Variants in CAMTA1 observed in about 807,000 individuals in gnomAD.
CAMTA1 encodes calmodulin binding transcription activator 1.
CAMTA1 carries 27 observed loss-of-function variants against 170.9 expected under a neutral mutation model. The observed-to-expected ratio is 0.16, with a 90% CI of 0.12 to 0.22. The LOEUF (loss-of-function observed/expected upper bound fraction) is 0.22, where lower values mean the gene tolerates loss of function less well. CAMTA1 is among the 10% of genes least tolerant of loss of function. The probability of loss-of-function intolerance (pLI) is 1.00; values close to 1 mark genes in which losing one functional copy is unlikely to be tolerated. For missense variants in CAMTA1, 1,619 were observed against 2,217.2 expected, an observed-to-expected ratio of 0.73 and a Z score of 5.42; for synonymous variants, 833 against 891.5, an observed-to-expected ratio of 0.93 and a Z score of 1.17.
chr1:7,531,278 C>T (rs2094490023), intron 6 of CAMTA1, among the ~76,000 whole-genome samples: 1 of 152,140 alleles, frequency 6.6e-6, no homozygotes, highest in Non-Finnish European at 1.5e-5. Context: ...CACTGTGCCT[C>T]CACCGAAGTC....
At chr1:7,602,884 T>C (rs1334085327) in intron 6 of CAMTA1, among the ~76,000 whole-genome samples, 2 of 152,256 alleles carry the variant, frequency 1.3e-5, no homozygotes, top group Non-Finnish European at 2.9e-5. Context: ...TCAAAGAGCA[T>C]CTTTATTTCT....
In CAMTA1 at chr1:7,063,438, T is replaced by C. The variant is rs1229114028; in HGVS notation, c.235-27866T>C. Among the ~76,000 whole-genome samples the C allele has an allele frequency of 6.6e-6, 1 of 152,200 alleles. No individual in the cohort carries two copies. Among genetic ancestry groups the C allele is most frequent in the Non-Finnish European group, 1.5e-5 (1 of 68,032 alleles). ...CTTAGCAGGGCATCTCTGGAGAGAATGTTCCACGGAGCACACCTCGGGAAA... is the reference window on the plus strand; with the variant it reads ...CTTAGCAGGGCATCTCTGGAGAGAACGTTCCACGGAGCACACCTCGGGAAA... On this transcript the variant is annotated intron_variant, in intron 3 of 22. Coordinates refer to ENST00000303635, the MANE Select transcript of CAMTA1 (RefSeq NM_015215.4). The surrounding 1 kb of genome is among the most constrained non-coding windows in gnomAD (Gnocchi z 4.3).
intron 6 of CAMTA1, among the ~76,000 whole-genome samples, chr1:7,625,432 T>C (rs1402490587): frequency 6.6e-6 from 1 of 152,136 alleles, no homozygotes; most frequent in East Asian, 1.9e-4. Flanking sequence ...GCTGACAGGG[T>C]CTTGGCCTCT....
rs1244627958 is a variant in CAMTA1 at position 7,768,902 on chromosome 1, A to G, written c.*2411A>G. On this transcript the variant is annotated 3_prime_UTR_variant, in exon 23 of 23. Coordinates refer to ENST00000303635, the MANE Select transcript of CAMTA1 (RefSeq NM_015215.4). ...AGCCAGCTCTTTCAGAATATCCTCT[A>G]TTAATACTGAATTTAGATATCTTTA... 1 of 152,376 alleles carries G rather than the reference A, an allele frequency of 6.6e-6. No individual in the cohort carries two copies. Among genetic ancestry groups the G allele is most frequent in the Non-Finnish European group, 1.5e-5 (1 of 68,032 alleles). The allele number at this position is 152,376 out of a possible 1,614,324, so 9.4% of individuals were successfully genotyped here.
chr1:7,148,425 TCC>T (rs57480682), intron 4 of CAMTA1, among the ~76,000 whole-genome samples: 1 of 147,612 alleles, frequency 6.8e-6, no homozygotes, highest in South Asian at 2.2e-4. Flanking sequence ...ATCCACCCCC[TCC>T]CCCCCCGCCA....
chr1:6,929,713 G>A (rs1684037979), intron 3 of CAMTA1, among the ~76,000 whole-genome samples: 1 of 152,200 alleles, frequency 6.6e-6, no homozygotes, highest in Non-Finnish European at 1.5e-5. Context: ...TGGCCAGGCT[G>A]GTCTTGAACT....
At chr1:7,419,248 T>C (rs566374877) in intron 5 of CAMTA1, among the ~76,000 whole-genome samples, 92 of 152,264 alleles carry the variant, frequency 6.0e-4, no homozygotes, top group African/African-American at 2.1e-3. Flanking sequence ...CTCCACCTCC[T>C]GGGTTTAAAT....
chr1:7,047,147 T>C (rs1310828063), intron 3 of CAMTA1, among the ~76,000 whole-genome samples: 4 of 152,218 alleles, frequency 2.6e-5, no homozygotes, highest in Non-Finnish European at 5.9e-5. Flanking sequence ...CCTGAGTGAC[T>C]ACATGGAGTG....
intron 6 of CAMTA1, among the ~76,000 whole-genome samples, chr1:7,496,288 G>A (rs1291894483): frequency 2.6e-5 from 4 of 152,334 alleles, no homozygotes; most frequent in Non-Finnish European, 5.9e-5. Context: ...TCTGTAAGAT[G>A]GCTCTATGTG....
At chr1:7,569,046 A>G (rs758488784) in intron 6 of CAMTA1, among the ~76,000 whole-genome samples, 8 of 148,268 alleles carry the variant, frequency 5.4e-5, no homozygotes, top group African/African-American at 7.5e-5. Flanking sequence ...CATCACCACC[A>G]TCATTCTCCA....
rs369925041 is a variant in CAMTA1 at position 7,017,592 on chromosome 1, TGAG to T, written c.235-73708_235-73706del. On this transcript the variant is annotated intron_variant, in intron 3 of 22. Coordinates refer to ENST00000303635, the MANE Select transcript of CAMTA1 (RefSeq NM_015215.4). ...GTCTGATGTCTTTCTAGTCTTTAAA[TGAG>T]GAGTGGAGAGGTAAGGAAGAGGTGC... 1.1e-3 allele frequency among the ~76,000 whole-genome samples: 174 copies of T among 152,356 alleles called. 3 individuals carry two copies. The East Asian group carries it at 0.021, about 19-fold the overall frequency.
At chr1:7,453,635 A>T (rs2092882460) in intron 5 of CAMTA1, among the ~76,000 whole-genome samples, 1 of 152,250 alleles carries the variant, frequency 6.6e-6, no homozygotes, top group Non-Finnish European at 1.5e-5. Context: ...ACATGTGGGC[A>T]GATGGCACAA....
intron 11 of CAMTA1, among the ~76,000 whole-genome samples, chr1:7,683,759 C>A (rs1172137215): frequency 6.6e-6 from 1 of 152,236 alleles, no homozygotes; most frequent in Admixed American, 6.5e-5. Context: ...GGGCCCTCCT[C>A]GTAACCCGTC....
chr1:7,702,349 A>AAAC (rs201878688), intron 11 of CAMTA1, among the ~76,000 whole-genome samples: 7 of 152,176 alleles, frequency 4.6e-5, no homozygotes, highest in East Asian at 1.9e-4. Flanking sequence ...ACAAACAAAC[A>AAAC]AACAACAACA....
chr1:6,897,528 G>A (rs866509563), intron 3 of CAMTA1, among the ~76,000 whole-genome samples: 34 of 93,076 alleles, frequency 3.7e-4, no homozygotes, highest in African/African-American at 1.3e-3. Flanking sequence ...TTGGCTGATT[G>A]CTTTTGAAGT....
chr1:7,738,087 A>G lies in CAMTA1; in HGVS notation c.3787A>G (p.Thr1263Ala). 6.2e-7 allele frequency: 1 copy of G among 1,614,148 alleles called. No individual in the cohort carries two copies. Residue 1263 changes from threonine to alanine, a missense_variant, in exon 16 of 23, where the codon ACT becomes GCT. Thr to Ala is a moderately conservative substitution (Grantham distance 58). Coordinates refer to ENST00000303635, the MANE Select transcript of CAMTA1 (RefSeq NM_015215.4). This position sits in a 1 kb window ranked among gnomAD's most constrained non-coding sequence, Gnocchi z 4.9. ...GACAAGGCAGGAGAAGCTGCTTCCC[A>G]CTGCACTGAGTCTGGAAGAGCCAAA... ...FQTRQEKLLP[T>A]ALSLEEPNIR...
At chr1:7,477,678 C>T (rs1160951603) in intron 6 of CAMTA1, among the ~76,000 whole-genome samples, 1 of 152,202 alleles carries the variant, frequency 6.6e-6, no homozygotes, top group Non-Finnish European at 1.5e-5. Context: ...CGATTCCTTC[C>T]TTCACCCCTC....
chr1:6,931,013 G>C (rs1684314049), intron 3 of CAMTA1, among the ~76,000 whole-genome samples: 1 of 152,212 alleles, frequency 6.6e-6, no homozygotes, highest in Non-Finnish European at 1.5e-5. Context: ...TCTGTTCTCT[G>C]GTTCCTCATA....
chr1:7,399,901 TTCTC>T (rs2089756344), intron 5 of CAMTA1, among the ~76,000 whole-genome samples: 2 of 152,218 alleles, frequency 1.3e-5, no homozygotes, highest in Admixed American at 6.5e-5. Context: ...CCTTTTAAAA[TTCTC>T]TCTGTCTCTG....
Sources: gnomAD v4.1 joint callset for allele counts (sites outside exome capture counted in the v4.1 genomes callset) on GRCh38, gnomAD v4.1.1 for gene constraint, Gnocchi (gnomAD v3.1) non-coding constraint, MANE v1.5 for transcripts, NCBI Gene and HGNC (gene_info 2026-07-23, HGNC 2026-07-21) for gene names.